The following NRG1 variants were observed in gnomAD, a reference collection of about 807,000 sequenced individuals.
NRG1 encodes the protein neuregulin 1.
Under a neutral mutation model 63.8 loss-of-function variants are expected in NRG1, and 18 were observed. The ratio of observed to expected loss-of-function variants is 0.28; its 90% confidence interval spans 0.19 to 0.42. The LOEUF (loss-of-function observed/expected upper bound fraction) is 0.42, where lower values mean the gene tolerates loss of function less well. Ranked by LOEUF, NRG1 falls within the 10% of genes least tolerant of loss-of-function variation. The pLI is 1.00. For synonymous variants in NRG1, 302 were observed against 301.3 expected, an observed-to-expected ratio of 1.00 and a Z score of -0.02; for missense variants, 762 against 814.7, an observed-to-expected ratio of 0.94 and a Z score of 0.79.
At chr8:32,651,972 A>G (rs908909854) in intron 5 of NRG1, among the ~76,000 whole-genome samples, 3 of 152,204 alleles carry the variant, frequency 2.0e-5, no homozygotes, top group African/African-American at 7.2e-5. Context: ...AAATTTACCA[A>G]TGAAGAAACC....
intron 1 of NRG1, among the ~76,000 whole-genome samples, chr8:32,466,398 G>A (rs1823072386): frequency 6.6e-6 from 1 of 150,998 alleles, no homozygotes; most frequent in South Asian, 2.1e-4. Context: ...TCCAGTGCCT[G>A]GATGATCACC....
intron 1 of NRG1, among the ~76,000 whole-genome samples, chr8:32,292,642 A>G (rs1854339244): frequency 6.6e-6 from 1 of 152,196 alleles, no homozygotes; most frequent in Non-Finnish European, 1.5e-5. Context: ...CCAGAAAAAT[A>G]TTTGAGAACT....
chr8:31,828,528 T>C (rs948597812), intron 1 of NRG1, among the ~76,000 whole-genome samples: 6 of 152,186 alleles, frequency 3.9e-5, no homozygotes, highest in African/African-American at 1.4e-4. Context: ...GGTCTCTGAT[T>C]GCATTTCCAG....
At chr8:31,747,302 T>C (rs1298407568) in intron 1 of NRG1, among the ~76,000 whole-genome samples, 1 of 151,896 alleles carries the variant, frequency 6.6e-6, no homozygotes, top group Admixed American at 6.6e-5. Context: ...ACACCTACTG[T>C]GTATCCACAA....
intron 1 of NRG1, among the ~76,000 whole-genome samples, chr8:32,272,211 G>C (rs1851621262): frequency 6.6e-6 from 1 of 152,120 alleles, no homozygotes; most frequent in African/African-American, 2.4e-5. Context: ...GCATGGCGAG[G>C]GTTCTGGTGA....
intron 1 of NRG1, among the ~76,000 whole-genome samples, chr8:32,367,066 C>G (rs1808159992): frequency 6.6e-6 from 1 of 152,024 alleles, no homozygotes; most frequent in South Asian, 2.1e-4. Flanking sequence ...GCTTCCATAT[C>G]TTGGCTGTTG....
chr8:31,686,544 T>G (rs761453741), intron 1 of NRG1, among the ~76,000 whole-genome samples: 1 of 152,200 alleles, frequency 6.6e-6, no homozygotes, highest in African/African-American at 2.4e-5. Context: ...ACCATTTTGA[T>G]GTCTAACTGC....
At chr8:32,441,052 G>A (rs925250392) in intron 1 of NRG1, among the ~76,000 whole-genome samples, 21 of 152,006 alleles carry the variant, frequency 1.4e-4, no homozygotes, top group Middle Eastern at 3.2e-3. Flanking sequence ...GCAAATTTTC[G>A]TCAGTATACT....
At chr8:31,965,843 C>G (rs538203541) in intron 1 of NRG1, among the ~76,000 whole-genome samples, 1 of 152,046 alleles carries the variant, frequency 6.6e-6, no homozygotes, top group African/African-American at 2.4e-5. Context: ...GAACCATTAT[C>G]CTATGTGAAA....
chr8:31,736,187 C>T (rs1006960510), intron 1 of NRG1, among the ~76,000 whole-genome samples: 1 of 152,150 alleles, frequency 6.6e-6, no homozygotes, highest in African/African-American at 2.4e-5. Flanking sequence ...CTGCTTCAGA[C>T]ATAGGGGCAT....
At chr8:32,021,766 A>G (rs1431511607) in intron 1 of NRG1, among the ~76,000 whole-genome samples, 1 of 152,206 alleles carries the variant, frequency 6.6e-6, no homozygotes, top group Non-Finnish European at 1.5e-5. Context: ...GGCTGCATGG[A>G]CATACAACAT....
At chr8:32,534,952 C>G (rs1216095070) in intron 1 of NRG1, among the ~76,000 whole-genome samples, 1 of 152,090 alleles carries the variant, frequency 6.6e-6, no homozygotes, top group African/African-American at 2.4e-5. Flanking sequence ...GCAATTTTCC[C>G]TGAAAAACAC....
intron 1 of NRG1, among the ~76,000 whole-genome samples, chr8:32,471,752 A>C (rs1823881619): frequency 6.6e-6 from 1 of 152,198 alleles, no homozygotes; most frequent in Admixed American, 6.5e-5. Context: ...TCTATTCTTG[A>C]GTCAACCTAC....
intron 1 of NRG1, among the ~76,000 whole-genome samples, chr8:31,978,851 A>G (rs1808617364): frequency 6.6e-6 from 1 of 152,174 alleles, no homozygotes; most frequent in South Asian, 2.1e-4. Context: ...AATTAATCAT[A>G]TAGTTCAAAT....
chr8:32,768,551 A>C (rs1347187539), downstream of NRG1, among the ~76,000 whole-genome samples: 1 of 152,226 alleles, frequency 6.6e-6, no homozygotes, highest in African/African-American at 2.4e-5. Flanking sequence ...TCAATAAAAC[A>C]AATCAAACTC....
intron 1 of NRG1, among the ~76,000 whole-genome samples, chr8:32,089,950 T>C (rs1372960991): frequency 6.6e-6 from 1 of 152,256 alleles, no homozygotes; most frequent in East Asian, 1.9e-4. Flanking sequence ...TTGACCTGGC[T>C]GTATAATGTA....
chr8:31,758,480 G>C (rs1817206643), intron 1 of NRG1, among the ~76,000 whole-genome samples: 1 of 152,088 alleles, frequency 6.6e-6, no homozygotes, highest in South Asian at 2.1e-4. Context: ...GCCCATCAAT[G>C]ATACACTGAA....
intron 1 of NRG1, among the ~76,000 whole-genome samples, chr8:31,876,159 C>T (rs1291845093): frequency 6.6e-6 from 1 of 152,196 alleles, no homozygotes; most frequent in African/African-American, 2.4e-5. Flanking sequence ...GATTTCTCAA[C>T]AATCTTGACC....
intron 1 of NRG1, among the ~76,000 whole-genome samples, chr8:31,809,329 T>A (rs1449672934): frequency 7.3e-6 from 1 of 137,372 alleles, no homozygotes; most frequent in Non-Finnish European, 1.6e-5. Flanking sequence ...TTTCTCTCTC[T>A]CTCTCCATAT....
Sources: gnomAD v4.1 joint callset for allele counts (sites outside exome capture counted in the v4.1 genomes callset) on GRCh38, gnomAD v4.1.1 for gene constraint, MANE v1.5 for transcripts, NCBI Gene and HGNC (gene_info 2026-07-23, HGNC 2026-07-21) for gene names.